Variants in PDE12 observed in about 807,000 individuals in gnomAD.
PDE12 encodes phosphodiesterase 12, also known as 2',5'-phosphodiesterase 12.
PDE12 carries 26 observed loss-of-function variants against 45.4 expected under a neutral mutation model. The ratio of observed to expected loss-of-function variants is 0.57; its 90% CI spans 0.42 to 0.79. The LOEUF (loss-of-function observed/expected upper bound fraction) is 0.79, where lower values mean the gene tolerates loss of function less well. Ranked by LOEUF, PDE12 falls within the 30% of genes least tolerant of loss-of-function variation. The probability of loss-of-function intolerance (pLI) is 0.00; values close to 1 mark genes in which losing one functional copy is unlikely to be tolerated. For missense variants in PDE12, 668 were observed against 790.0 expected (o/e 0.85, Z 1.85); for synonymous variants, 283 against 323.9 (o/e 0.87, Z 1.36).
the PDE12 span, among the ~76,000 whole-genome samples, chr3:57,642,735 T>C: frequency 2.0e-5 from 3 of 151,944 alleles, no homozygotes; most frequent in East Asian, 1.9e-4. Flanking sequence ...CCAGGCGCGG[T>C]GGCTCACGCC....
chr3:57,596,445 T>A, the PDE12 span, among the ~76,000 whole-genome samples: 33 of 152,118 alleles, frequency 2.2e-4, no homozygotes, highest in Admixed American at 1.9e-3. Context: ...TTTCGGAGAA[T>A]GAGATTAACA....
the PDE12 span, among the ~76,000 whole-genome samples, chr3:57,639,462 A>G: frequency 1.3e-5 from 2 of 152,234 alleles, no homozygotes; most frequent in Non-Finnish European, 2.9e-5. Flanking sequence ...AGAGAAAACA[A>G]TCAGTAGTCT....
chr3:57,577,419 A>T, the PDE12 span: 4 of 1,554,572 alleles, frequency 2.6e-6, no homozygotes, highest in Non-Finnish European at 3.6e-6. Flanking sequence ...AAATTTTAAC[A>T]GTTAAACGAC....
the PDE12 span, among the ~76,000 whole-genome samples, chr3:57,620,037 G>A: frequency 1.3e-5 from 2 of 151,716 alleles, no homozygotes; most frequent in African/African-American, 4.8e-5. Flanking sequence ...GCCTGGCCAA[G>A]ATGGTAAAAC....
At chr3:57,638,025 T>C in the PDE12 span, among the ~76,000 whole-genome samples, 1 of 151,504 alleles carries the variant, frequency 6.6e-6, no homozygotes, top group Non-Finnish European at 1.5e-5. Context: ...TCCCAGCTAC[T>C]GGGGAGGCTG....
chr3:57,652,810 A>C, the PDE12 span, among the ~76,000 whole-genome samples: 1 of 152,130 alleles, frequency 6.6e-6, no homozygotes, highest in Admixed American at 6.5e-5. Flanking sequence ...TAAACTGAGG[A>C]GTTTCTGCAA....
chr3:57,633,187 GT>G, the PDE12 span: 1 of 1,237,308 alleles, frequency 8.1e-7, no homozygotes, highest in Non-Finnish European at 1.2e-6. Flanking sequence ...TTAAGATATG[GT>G]TTTGGAGGGC....
At chr3:57,652,115 G>C in the PDE12 span, among the ~76,000 whole-genome samples, 1 of 152,076 alleles carries the variant, frequency 6.6e-6, no homozygotes, top group Non-Finnish European at 1.5e-5. Flanking sequence ...TCAAAACATG[G>C]AGCCTAATTC....
At chr3:57,585,094 C>A in the PDE12 span, among the ~76,000 whole-genome samples, 1 of 152,058 alleles carries the variant, frequency 6.6e-6, no homozygotes, top group Non-Finnish European at 1.5e-5. Flanking sequence ...AAACTCCTGG[C>A]CTCAAGTGAT....
At chr3:57,628,979 GAAGGA>G in the PDE12 span, 2 of 1,078,872 alleles carry the variant, frequency 1.9e-6, no homozygotes, top group Non-Finnish European at 2.7e-6. Context: ...GGAAAGACAA[GAAGGA>G]AAAGGAGAAC....
the PDE12 span, chr3:57,645,566 A>T: frequency 1.2e-6 from 1 of 844,964 alleles, no homozygotes; most frequent in Non-Finnish European, 1.8e-6. Flanking sequence ...CTTTTATAAG[A>T]TCATTCTGCC....
the PDE12 span, among the ~76,000 whole-genome samples, chr3:57,574,053 TG>T: frequency 6.6e-6 from 1 of 152,126 alleles, no homozygotes; most frequent in African/African-American, 2.4e-5. Context: ...GTGATTCTCC[TG>T]CCTCAGCCTC....
the PDE12 span, among the ~76,000 whole-genome samples, chr3:57,590,583 G>A: frequency 6.6e-6 from 1 of 152,208 alleles, no homozygotes; most frequent in South Asian, 2.1e-4. Flanking sequence ...AGTATTTTCA[G>A]ATGGATAAAA....
At chr3:57,580,685 C>T in the PDE12 span, among the ~76,000 whole-genome samples, 3 of 152,102 alleles carry the variant, frequency 2.0e-5, no homozygotes, top group East Asian at 5.8e-4. Context: ...TAAGCCATAG[C>T]ACCCGGTCCT....
At chr3:57,634,648 CA>C in the PDE12 span, 3 of 1,482,958 alleles carry the variant, frequency 2.0e-6, no homozygotes, top group South Asian at 1.4e-5. Context: ...AGAAGGTAAA[CA>C]AAAAAACCCA....
the PDE12 span, among the ~76,000 whole-genome samples, chr3:57,591,711 C>A: frequency 6.6e-6 from 1 of 152,040 alleles, no homozygotes; most frequent in Non-Finnish European, 1.5e-5. Context: ...GTGATCTGCC[C>A]GCCTCAGCCT....
the PDE12 span, among the ~76,000 whole-genome samples, chr3:57,641,419 ATTATTCT>A: frequency 6.8e-6 from 1 of 147,646 alleles, no homozygotes; most frequent in Admixed American, 6.8e-5. Context: ...GTGTTATATT[ATTATTCT>A]ATAATAATAT....
chr3:57,646,397 T>C, the PDE12 span: 1 of 1,614,012 alleles, frequency 6.2e-7, no homozygotes, highest in Non-Finnish European at 8.5e-7. Flanking sequence ...CAGCACCAGC[T>C]CCCAGAGCAT....
At chr3:57,611,781 TTGG>T in the PDE12 span, among the ~76,000 whole-genome samples, 1 of 152,216 alleles carries the variant, frequency 6.6e-6, no homozygotes. Flanking sequence ...TTTTACACTG[TTGG>T]TGGGACTGTA....
Sources: allele counts gnomAD v4.1 joint callset (sites outside exome capture counted in the v4.1 genomes callset), GRCh38; gene constraint gnomAD v4.1.1; transcripts MANE v1.5; gene names NCBI Gene and HGNC (gene_info 2026-07-23, HGNC 2026-07-21).